The following CNTNAP2 variants were observed in gnomAD, a reference collection of about 807,000 sequenced individuals.
The protein encoded by CNTNAP2 is contactin associated protein 2.
A neutral mutation model predicts 155.2 loss-of-function variants in CNTNAP2; 98 were observed. The ratio of observed to expected loss-of-function variants is 0.63; its 90% CI spans 0.54 to 0.75. The LOEUF is 0.75. CNTNAP2 is among the 30% of genes least tolerant of loss of function. The pLI is 0.00. For missense variants in CNTNAP2, 1,727 were observed against 1,688.1 expected (o/e 1.02, Z -0.40); for synonymous variants, 651 against 631.2 (o/e 1.03, Z -0.47).
At chr7:147,686,444 A>T (rs1796019139) in intron 13 of CNTNAP2, among the ~76,000 whole-genome samples, 1 of 152,098 alleles carries the variant, frequency 6.6e-6, no homozygotes, top group South Asian at 2.1e-4. Context: ...ATGATTGCAT[A>T]TCTAAGTTTG....
At chr7:147,001,907 T>A (rs1204920460) in intron 3 of CNTNAP2, among the ~76,000 whole-genome samples, 1 of 151,952 alleles carries the variant, frequency 6.6e-6, no homozygotes, top group Non-Finnish European at 1.5e-5. Context: ...ATAATTTATT[T>A]AAAAATGCTA....
At chr7:146,460,279 T>C (rs1796617386) in intron 1 of CNTNAP2, among the ~76,000 whole-genome samples, 2 of 152,212 alleles carry the variant, frequency 1.3e-5, no homozygotes, top group South Asian at 4.1e-4. Flanking sequence ...TCTTATTAAG[T>C]GTTAACAAGC....
At chr7:147,916,677 GAA>G (rs11423683) in intron 14 of CNTNAP2, among the ~76,000 whole-genome samples, 2 of 128,622 alleles carry the variant, frequency 1.6e-5, no homozygotes, top group African/African-American at 2.9e-5. Context: ...TATGTTTTCT[GAA>G]AAAAAAAAAA....
rs76404308 is a variant in CNTNAP2, at chr7:148,322,212, C to T, written c.3475+55086C>T. On this transcript the variant is annotated intron_variant, in intron 21 of 23. Coordinates refer to ENST00000361727, the MANE Select transcript of CNTNAP2 (RefSeq NM_014141.6). ...TGCTAGTATTATAGGCGTGAGCCAC[C>T]GCACCCAGCCAAGAACTGTAAATTC... is the stretch of plus-strand genomic sequence containing the variant. Among the ~76,000 whole-genome samples the T allele has an allele frequency of 1.3e-3, 195 of 152,240 alleles. 4 individuals carry two copies. The East Asian group carries it at 0.032, about 25-fold the overall frequency.
Position 148,332,387 on chromosome 7 carries a change from G to A in CNTNAP2, c.3476-51262G>A, listed in dbSNP as rs981163166. On this transcript the variant is annotated intron_variant, in intron 21 of 23. Transcript: ENST00000361727. ...GATATGATGTGATGCTTTACTCATA[G>A]TTAGAGGGAGAATTGACTGTGAATG... is the stretch of plus-strand genomic sequence containing the variant. Among the ~76,000 whole-genome samples, 10 of 152,252 alleles carry A rather than the reference G, an allele frequency of 6.6e-5. No individual in the cohort carries two copies. The South Asian group carries it at 2.1e-3, about 32-fold the overall frequency.
intron 1 of CNTNAP2, among the ~76,000 whole-genome samples, chr7:146,584,273 G>A (rs544702481): frequency 6.6e-5 from 10 of 152,172 alleles, no homozygotes; most frequent in African/African-American, 2.2e-4. Context: ...ATGACACCCC[G>A]AGCTTCAGTT....
intron 1 of CNTNAP2, among the ~76,000 whole-genome samples, chr7:146,156,996 G>A (rs1798136813): frequency 6.6e-6 from 1 of 152,180 alleles, no homozygotes; most frequent in African/African-American, 2.4e-5. Context: ...GGAAATTCAG[G>A]CACAGACAGG....
chr7:147,438,306 A>T, intron 10 of CNTNAP2, among the ~76,000 whole-genome samples: 1 of 151,894 alleles, frequency 6.6e-6, no homozygotes, highest in South Asian at 2.1e-4. Flanking sequence ...AGTTTTTGAG[A>T]GTTTTTATCA....
intron 10 of CNTNAP2, among the ~76,000 whole-genome samples, chr7:147,477,592 C>A (rs1289562468): frequency 6.6e-6 from 1 of 152,136 alleles, no homozygotes; most frequent in African/African-American, 2.4e-5. Context: ...TTTTTGAAGA[C>A]TTTCAGTGCT....
chr7:146,738,333 A>G (rs898446776), intron 1 of CNTNAP2, among the ~76,000 whole-genome samples: 5 of 151,764 alleles, frequency 3.3e-5, no homozygotes, highest in African/African-American at 1.2e-4. Context: ...GCCTATTCAG[A>G]TATTTTGCCC....
chr7:148,029,189 A>G (rs1243746329), intron 15 of CNTNAP2, among the ~76,000 whole-genome samples: 1 of 152,118 alleles, frequency 6.6e-6, no homozygotes, highest in African/African-American at 2.4e-5. Flanking sequence ...CTTTTTGATT[A>G]TTCTAGTCAT....
intron 1 of CNTNAP2, among the ~76,000 whole-genome samples, chr7:146,191,628 T>C (rs1018899298): frequency 5.3e-5 from 8 of 152,122 alleles, no homozygotes; most frequent in African/African-American, 1.9e-4. Flanking sequence ...AGACAGACAC[T>C]CCCAGAGCGG....
chr7:146,949,629 T>G (rs1052322351), intron 3 of CNTNAP2, among the ~76,000 whole-genome samples: 6 of 152,192 alleles, frequency 3.9e-5, no homozygotes, highest in Admixed American at 1.3e-4. Flanking sequence ...AAATCTAAAT[T>G]TCTTGTTTTG....
At chr7:147,424,571 T>A (rs531636097) in intron 10 of CNTNAP2, among the ~76,000 whole-genome samples, 61 of 152,236 alleles carry the variant, frequency 4.0e-4, no homozygotes, top group African/African-American at 1.4e-3. Flanking sequence ...CTTGGACTTA[T>A]ACTGCTTCCT....
intron 3 of CNTNAP2, among the ~76,000 whole-genome samples, chr7:146,941,894 C>T (rs1226934161): frequency 2.6e-5 from 4 of 151,754 alleles, no homozygotes; most frequent in African/African-American, 9.7e-5. Context: ...ATGTTATTTG[C>T]TGCTTTAGTC....
intron 12 of CNTNAP2, among the ~76,000 whole-genome samples, chr7:147,572,726 A>G (rs1800319508): frequency 8.3e-6 from 1 of 120,452 alleles, no homozygotes; most frequent in Non-Finnish European, 1.8e-5. Context: ...ACACACACAC[A>G]CACACACATG....
rs1371506913 is a variant in CNTNAP2, at chr7:147,850,084, AT to A, written c.2099-53479del. 2.0e-5 allele frequency: 3 copies of A among 152,228 alleles called. No homozygotes were observed. In the East Asian group the frequency reaches 5.8e-4, roughly 29 times the overall value. 9.4% of individuals were successfully genotyped at this position (152,228 alleles called of 1,614,324 possible). A position where few individuals can be genotyped will look rare whatever the true frequency, so the allele number is the denominator to read the frequency against. On this transcript the variant is annotated intron_variant, in intron 13 of 23. Transcript: ENST00000361727. ...TGGAAAGAGGCAACATTTTAAGACCATTCAAGATTAACCTTTACTTGAGCAA... is the reference window on the plus strand; with the variant it reads ...TGGAAAGAGGCAACATTTTAAGACCATCAAGATTAACCTTTACTTGAGCAA...
chr7:146,143,707 C>T (rs1228949895), intron 1 of CNTNAP2, among the ~76,000 whole-genome samples: 1 of 151,974 alleles, frequency 6.6e-6, no homozygotes, highest in African/African-American at 2.4e-5. Flanking sequence ...TGAATACGAA[C>T]ATTTCTACAA....
intron 1 of CNTNAP2, among the ~76,000 whole-genome samples, chr7:146,343,184 A>T (rs1040205249): frequency 2.0e-5 from 3 of 152,158 alleles, no homozygotes; most frequent in Admixed American, 2.0e-4. Context: ...CTGAAAGATG[A>T]ACAACAAATT....
Sources: gnomAD v4.1 joint callset for allele counts (sites outside exome capture counted in the v4.1 genomes callset) on GRCh38, gnomAD v4.1.1 for gene constraint, MANE v1.5 for transcripts, NCBI Gene and HGNC (gene_info 2026-07-23, HGNC 2026-07-21) for gene names.